Variants in SLC4A4 observed in about 807,000 individuals in gnomAD.
The protein encoded by SLC4A4 is electrogenic sodium bicarbonate cotransporter 1.
Under a neutral mutation model 111.5 loss-of-function variants are expected in SLC4A4, and 27 were observed. The ratio of observed to expected loss-of-function variants is 0.24; its 90% CI spans 0.18 to 0.33. SLC4A4 has a LOEUF of 0.33. Among genes scored for constraint, SLC4A4 ranks in the 10% least tolerant of loss-of-function variants. The probability of loss-of-function intolerance (pLI) is 1.00; values close to 1 mark genes in which losing one functional copy is unlikely to be tolerated. For synonymous variants in SLC4A4, 443 were observed against 463.4 expected, an observed-to-expected ratio of 0.96 and a Z score of 0.57; for missense variants, 909 against 1,315.5, an observed-to-expected ratio of 0.69 and a Z score of 4.78.
chr4:71,446,062 A>C (rs1725199048), intron 8 of SLC4A4, among the ~76,000 whole-genome samples: 1 of 152,188 alleles, frequency 6.6e-6, no homozygotes, highest in Admixed American at 6.5e-5. Flanking sequence ...TTCTAAGCAA[A>C]TAAGTACTAA....
chr4:71,447,385 C>T (rs1396263151), intron 8 of SLC4A4, among the ~76,000 whole-genome samples: 1 of 152,198 alleles, frequency 6.6e-6, no homozygotes, highest in African/African-American at 2.4e-5. Flanking sequence ...ACTTGAAGTG[C>T]ACCTTTCCTG....
intron 5 of SLC4A4, among the ~76,000 whole-genome samples, chr4:71,350,589 T>TA (rs1368122108): frequency 1.3e-5 from 2 of 152,096 alleles, no homozygotes; most frequent in African/African-American, 4.8e-5. Flanking sequence ...CAAATCTAAC[T>TA]AACAAGCTCT....
chr4:71,380,679 G>T (rs1718052785), intron 6 of SLC4A4, among the ~76,000 whole-genome samples: 1 of 152,146 alleles, frequency 6.6e-6, no homozygotes, highest in South Asian at 2.1e-4. Flanking sequence ...ATCAAAGATT[G>T]TTCTACTGTA....
intron 14 of SLC4A4, among the ~76,000 whole-genome samples, chr4:71,479,087 T>C (rs1237831506): frequency 6.6e-6 from 1 of 151,700 alleles, no homozygotes; most frequent in East Asian, 1.9e-4. Flanking sequence ...AAAAATAGCC[T>C]CAAAGGGATA....
intron 4 of SLC4A4, among the ~76,000 whole-genome samples, chr4:71,347,164 A>G (rs1298563369): frequency 1.3e-5 from 2 of 152,146 alleles, no homozygotes; most frequent in Non-Finnish European, 2.9e-5. Context: ...AAATGTATTC[A>G]AAGTCATATT....
At position 71,293,551 on chromosome 4, in the gene SLC4A4, T is replaced by TAA. The variant is rs201768749; in HGVS notation, c.253+38166_253+38167dup. ...GCACTCCAGCCTGGGCGACTCCGTC[T>TAA]AAAAAAAAAAAAAAATCCAGAAAGA... On this transcript the variant is annotated intron_variant, in intron 3 of 25. Coordinates refer to ENST00000264485, the MANE Select transcript of SLC4A4 (RefSeq NM_001098484.3). Among the ~76,000 whole-genome samples the TAA allele has an allele frequency of 1.4e-3, 198 of 140,810 alleles. 2 individuals carry two copies. The highest frequency in any genetic ancestry group is 4.9e-3 in the African/African-American group (187 of 38,534). 92.4% of individuals were successfully genotyped at this position (140,810 alleles called of 152,430 possible).
At chr4:71,414,431 A>G (rs775265709) in intron 7 of SLC4A4, among the ~76,000 whole-genome samples, 73 of 152,238 alleles carry the variant, frequency 4.8e-4, no homozygotes, top group Non-Finnish European at 6.2e-4. Flanking sequence ...CAGTTTCTGC[A>G]CAAGATAGGC....
intron 1 of SLC4A4, among the ~76,000 whole-genome samples, chr4:71,068,393 A>G (rs557254410): frequency 6.6e-6 from 1 of 151,476 alleles, no homozygotes. Flanking sequence ...ATTTTAAAGT[A>G]TATATACATC....
chr4:71,068,061 C>CTTTTTTTTTTTTTTT lies in SLC4A4; in HGVS notation c.-65+5273_-65+5274insTTTTTTTTTTTTTTT, dbSNP rs138059694. ...ACTGCATATGGCCTTTTTGAACAAACGTTTTTTTTTTTTTTTTTTTGAGAT... is the reference window on the plus strand; with the variant it reads ...ACTGCATATGGCCTTTTTGAACAAACTTTTTTTTTTTTTTTGTTTTTTTTTTTTTTTTTTTGAGAT... On this transcript the variant is annotated intron_variant, in intron 1 of 26. Transcript: ENST00000649996. 1.5e-5 allele frequency among the ~76,000 whole-genome samples: 2 copies of CTTTTTTTTTTTTTTT among 132,374 alleles called. 1 individual carries two copies. The highest frequency in any genetic ancestry group is 1.6e-4 in the Admixed American group (2 of 12,574). 86.8% of individuals were successfully genotyped at this position (132,374 alleles called of 152,430 possible).
intron 3 of SLC4A4, among the ~76,000 whole-genome samples, chr4:71,274,287 G>A (rs1722911439): frequency 6.6e-6 from 1 of 152,174 alleles, no homozygotes; most frequent in Non-Finnish European, 1.5e-5. Context: ...GGCTGAGGAG[G>A]AGGAAGAAGA....
At chr4:71,443,152 A>ATATATATATATATATATATATAT (rs1724918756) in intron 8 of SLC4A4, among the ~76,000 whole-genome samples, 2 of 113,952 alleles carry the variant, frequency 1.8e-5, no homozygotes, top group African/African-American at 6.9e-5. Context: ...ATATATATAT[A>ATATATATATATATATATATATAT]AATTTTTTGA....
At chr4:71,166,037 A>G (rs959705655) in intron 2 of SLC4A4, among the ~76,000 whole-genome samples, 2 of 152,210 alleles carry the variant, frequency 1.3e-5, no homozygotes. Context: ...TTTTGTCCAT[A>G]AAAAGAAAAA....
intron 3 of SLC4A4, among the ~76,000 whole-genome samples, chr4:71,331,711 C>A (rs1478893723): frequency 1.3e-5 from 2 of 150,448 alleles, no homozygotes; most frequent in East Asian, 3.9e-4. Context: ...GCACATGTAC[C>A]CTAGGACTTA....
At chr4:71,235,593 A>C (rs1297740499) in intron 1 of SLC4A4, among the ~76,000 whole-genome samples, 3 of 152,254 alleles carry the variant, frequency 2.0e-5, no homozygotes, top group African/African-American at 7.2e-5. Context: ...AATAGACCTC[A>C]TGGAATTCTG....
intron 9 of SLC4A4, among the ~76,000 whole-genome samples, chr4:71,449,596 T>C (rs1310527634): frequency 1.3e-5 from 2 of 152,200 alleles, no homozygotes; most frequent in Non-Finnish European, 2.9e-5. Flanking sequence ...TCACAATCTT[T>C]AAGAATAGGT....
chr4:71,521,147 C>T (rs960993213), intron 16 of SLC4A4, among the ~76,000 whole-genome samples: 2 of 152,130 alleles, frequency 1.3e-5, no homozygotes, highest in Admixed American at 6.6e-5. Flanking sequence ...CATGAGCCAC[C>T]ACATCTGGCT....
chr4:71,348,771 G>C (rs1354281693), intron 4 of SLC4A4, among the ~76,000 whole-genome samples: 2 of 152,016 alleles, frequency 1.3e-5, no homozygotes, highest in Admixed American at 6.6e-5. Context: ...CCCTCCTCTG[G>C]GGGTGGTAAG....
chr4:71,082,337 T>TC (rs11295721), intron 1 of SLC4A4, among the ~76,000 whole-genome samples: 3 of 151,470 alleles, frequency 2.0e-5, no homozygotes, highest in East Asian at 1.9e-4. Context: ...CAAATAACTG[T>TC]CCCCCCCACC....
chr4:71,547,647 G>T lies in SLC4A4; in HGVS notation c.2622-1G>T. 1 of 1,611,178 alleles carries T rather than the reference G, an allele frequency of 6.2e-7. No homozygotes were observed. Among genetic ancestry groups the T allele is most frequent in the Non-Finnish European group, 8.5e-7 (1 of 1,177,938 alleles). On this transcript the variant is annotated splice_acceptor_variant, in intron 19 of 25. Transcript: ENST00000264485. LOFTEE classifies it high-confidence loss of function. ...TTGGTAATCTTTTGATTTGGTTTCA[G>T]GGAACAAAGAGTCACTGGAACCCTT...
Sources: allele counts gnomAD v4.1 joint callset (sites outside exome capture counted in the v4.1 genomes callset), GRCh38; gene constraint gnomAD v4.1.1; transcripts MANE v1.5; gene names NCBI Gene and HGNC (gene_info 2026-07-23, HGNC 2026-07-21).